Variants in CNTNAP2 observed in about 807,000 individuals in gnomAD.
CNTNAP2 encodes contactin-associated protein-like 2.
CNTNAP2 carries 98 observed loss-of-function variants against 155.2 expected under a neutral mutation model. The observed-to-expected ratio is 0.63, with a 90% CI of 0.54 to 0.75. The LOEUF (loss-of-function observed/expected upper bound fraction) is 0.75, where lower values mean the gene tolerates loss of function less well. Ranked by LOEUF, CNTNAP2 falls within the 30% of genes least tolerant of loss-of-function variation. CNTNAP2 has a pLI of 0.00. For synonymous variants in CNTNAP2, 651 were observed against 631.2 expected (o/e 1.03, Z -0.47); for missense variants, 1,727 against 1,688.1 (o/e 1.02, Z -0.40).
chr7:146,314,003 A>T (rs913932356), intron 1 of CNTNAP2, among the ~76,000 whole-genome samples: 1 of 149,096 alleles, frequency 6.7e-6, no homozygotes, highest in Non-Finnish European at 1.5e-5. Flanking sequence ...CATCTCAAAA[A>T]ATTATATATG....
At chr7:146,875,560 C>T (rs1795401321) in intron 3 of CNTNAP2, among the ~76,000 whole-genome samples, 3 of 152,068 alleles carry the variant, frequency 2.0e-5, no homozygotes, top group Admixed American at 6.6e-5. Context: ...ATGTAAACAT[C>T]AATGAAGACA....
chr7:147,473,850 C>T (rs571097544), intron 10 of CNTNAP2, among the ~76,000 whole-genome samples: 131 of 152,110 alleles, frequency 8.6e-4, no homozygotes, highest in Middle Eastern at 3.4e-3. Flanking sequence ...GAGGCCAAGG[C>T]GGGCAGATCA....
At chr7:146,651,887 C>A (rs577902624) in intron 1 of CNTNAP2, among the ~76,000 whole-genome samples, 1 of 152,112 alleles carries the variant, frequency 6.6e-6, no homozygotes, top group African/African-American at 2.4e-5. Context: ...AAGTAAAAAC[C>A]TTTTCAAGTA....
In CNTNAP2 at chr7:148,041,248, G is replaced by A. The variant is rs527823887; in HGVS notation, c.2383+63259G>A. Among the ~76,000 whole-genome samples the A allele has an allele frequency of 4.6e-5, 7 of 152,334 alleles. No homozygotes were observed. The South Asian group carries it at 1.4e-3, about 32-fold the overall frequency. Reference sequence around the variant, plus strand: ...TGAATATAGGCCTTTCATAAAAAGTGTCTTGGAGAGAAAGCCCACAACTGC... The same window carrying A: ...TGAATATAGGCCTTTCATAAAAAGTATCTTGGAGAGAAAGCCCACAACTGC... On this transcript the variant is annotated intron_variant, in intron 15 of 23. Transcript: ENST00000361727.
At chr7:147,485,854 TG>T (rs1798499909) in intron 10 of CNTNAP2, 80 bp from the exon 11 acceptor site, 1 of 1,337,082 alleles carries the variant, frequency 7.5e-7, no homozygotes. Context: ...AATGATATAT[TG>T]CCCAGACAGC....
intron 1 of CNTNAP2, among the ~76,000 whole-genome samples, chr7:146,495,151 G>A (rs955295855): frequency 3.3e-5 from 5 of 152,184 alleles, no homozygotes; most frequent in Admixed American, 2.6e-4. Flanking sequence ...TGCCGGCTAG[G>A]CAGGTCAGCT....
intron 12 of CNTNAP2, among the ~76,000 whole-genome samples, chr7:147,593,156 A>G (rs1350479817): frequency 6.6e-6 from 1 of 151,996 alleles, no homozygotes; most frequent in Non-Finnish European, 1.5e-5. Flanking sequence ...AACAGACATT[A>G]TAATTGTAGG....
chr7:146,959,109 T>C (rs1214811259), intron 3 of CNTNAP2, among the ~76,000 whole-genome samples: 2 of 151,950 alleles, frequency 1.3e-5, no homozygotes, highest in African/African-American at 4.8e-5. Context: ...AACCTCCGCC[T>C]TCCAGGTTCA....
intron 8 of CNTNAP2, among the ~76,000 whole-genome samples, chr7:147,142,049 A>G (rs1362496376): frequency 1.3e-5 from 2 of 152,052 alleles, no homozygotes; most frequent in Non-Finnish European, 2.9e-5. Flanking sequence ...TCTTTTCCTA[A>G]TTGAATACCC....
chr7:148,415,085 A>C (rs1356751457), intron 23 of CNTNAP2, among the ~76,000 whole-genome samples: 1 of 152,156 alleles, frequency 6.6e-6, no homozygotes, highest in African/African-American at 2.4e-5. Flanking sequence ...GAAAACTAGG[A>C]AAAATGTAGG....
At chr7:147,242,987 A>ATTTTTTTTTTTTTTTTTTTTTTTTTT in intron 8 of CNTNAP2, among the ~76,000 whole-genome samples, 1 of 47,168 alleles carries the variant, frequency 2.1e-5, no homozygotes, top group Non-Finnish European at 3.6e-5. Context: ...TATGCTTTGC[A>ATTTTTTTTTTTTTTTTTTTTTTTTTT]TTTTTTTTTT....
At chr7:147,370,191 A>G (rs1263368997) in intron 9 of CNTNAP2, among the ~76,000 whole-genome samples, 1 of 152,216 alleles carries the variant, frequency 6.6e-6, no homozygotes, top group Admixed American at 6.5e-5. Flanking sequence ...TTATAGTCAT[A>G]TGCATGATTA....
intron 9 of CNTNAP2, among the ~76,000 whole-genome samples, chr7:147,357,395 AT>A (rs367574427): frequency 6.0e-4 from 91 of 152,120 alleles, no homozygotes; most frequent in African/African-American, 2.2e-3. Context: ...TTCAGGAAGC[AT>A]TTTCCTTACT....
chr7:148,278,427 G>A (rs6971443), intron 21 of CNTNAP2, among the ~76,000 whole-genome samples: 90,788 of 151,862 alleles, frequency 0.6, 28,035 homozygotes, highest in South Asian at 0.75. Context: ...AAAATTAGCC[G>A]GGCGTGGTGG....
At chr7:146,946,228 T>C (rs184620329) in intron 3 of CNTNAP2, among the ~76,000 whole-genome samples, 1 of 152,154 alleles carries the variant, frequency 6.6e-6, no homozygotes, top group African/African-American at 2.4e-5. Context: ...TCAGAAAATA[T>C]CTGACTGCTT....
chr7:148,018,573 G>T (rs925800770), intron 15 of CNTNAP2, among the ~76,000 whole-genome samples: 5 of 152,226 alleles, frequency 3.3e-5, no homozygotes, highest in African/African-American at 1.2e-4. Context: ...AGGGATTTAA[G>T]TTATGGATGA....
intron 4 of CNTNAP2, among the ~76,000 whole-genome samples, chr7:147,085,485 C>T (rs1417947669): frequency 1.3e-5 from 2 of 152,292 alleles, no homozygotes; most frequent in East Asian, 3.9e-4. Flanking sequence ...GCCTGATGAT[C>T]TGAAGTGGAA....
chr7:148,044,051 C>T (rs1168581096), intron 15 of CNTNAP2, among the ~76,000 whole-genome samples: 1 of 152,096 alleles, frequency 6.6e-6, no homozygotes, highest in Non-Finnish European at 1.5e-5. Flanking sequence ...AAAAATGACC[C>T]ATGGTAAACC....
intron 11 of CNTNAP2, among the ~76,000 whole-genome samples, chr7:147,548,625 T>G (rs1799789021): frequency 6.6e-6 from 1 of 152,230 alleles, no homozygotes; most frequent in Non-Finnish European, 1.5e-5. Flanking sequence ...ATCCCATTTG[T>G]CAACTTTGGC....
Sources: allele counts gnomAD v4.1 joint callset (sites outside exome capture counted in the v4.1 genomes callset), GRCh38; gene constraint gnomAD v4.1.1; transcripts MANE v1.5; gene names NCBI Gene and HGNC (gene_info 2026-07-23, HGNC 2026-07-21).